GAB2: variants seen among roughly 807,000 people sequenced by gnomAD.
GAB2 encodes the protein GRB2 associated binding protein 2.
A neutral mutation model predicts 65.5 loss-of-function variants in GAB2; 26 were observed. That is an observed-to-expected ratio of 0.40 (90% CI 0.29 to 0.55). GAB2 has a LOEUF of 0.55. Ranked by LOEUF, GAB2 falls within the 20% of genes least tolerant of loss-of-function variation. The pLI, the probability that GAB2 is intolerant of heterozygous loss-of-function variation, is 0.53. For missense variants in GAB2, 884 were observed against 875.8 expected (o/e 1.01, Z -0.12); for synonymous variants, 321 against 329.6 (o/e 0.97, Z 0.28).
At chr11:78,408,425 A>G (rs1204234954) in intron 1 of GAB2, among the ~76,000 whole-genome samples, 1 of 152,266 alleles carries the variant, frequency 6.6e-6, no homozygotes, top group Non-Finnish European at 1.5e-5. Context: ...ATATAGATAA[A>G]TCAAAATGGA....
chr11:78,386,814 T>A, intron 1 of GAB2, among the ~76,000 whole-genome samples: 1 of 152,176 alleles, frequency 6.6e-6, no homozygotes, highest in South Asian at 2.1e-4. Context: ...TTTACTCATG[T>A]TATTGGTTTT....
chr11:78,246,827 C>T (rs953400625), intron 3 of GAB2, among the ~76,000 whole-genome samples: 3 of 152,128 alleles, frequency 2.0e-5, no homozygotes, highest in African/African-American at 7.2e-5. Context: ...AGGAAATCAA[C>T]CTGGTTAGGC....
At chr11:78,312,053 T>G (rs1412876218) in intron 1 of GAB2, among the ~76,000 whole-genome samples, 1 of 152,138 alleles carries the variant, frequency 6.6e-6, no homozygotes, top group Non-Finnish European at 1.5e-5. Context: ...TGTCTAGGCT[T>G]GAAAACAGCC....
intron 1 of GAB2, among the ~76,000 whole-genome samples, chr11:78,300,695 G>GT (rs769243672): frequency 0.024 from 2,660 of 113,176 alleles, 47 homozygotes; most frequent in Non-Finnish European, 0.032. Context: ...GTTTTTTTTT[G>GT]TTTTTTTTTT....
In GAB2 at chr11:78,366,159, T is replaced by C. The variant is rs115311103; in HGVS notation, c.75+51487A>G. On this transcript the variant is annotated intron_variant, in intron 1 of 9. Coordinates refer to ENST00000361507, the MANE Select transcript of GAB2 (RefSeq NM_080491.3). ...TTTACTGAGTTCCTAGAATAGTGTT[T>C]ATACAGAGTTGGCACACAAACATTA... Among the ~76,000 whole-genome samples the C allele has an allele frequency of 8.7e-3, 1,329 of 152,356 alleles. 20 individuals carry two copies. Among genetic ancestry groups the C allele is most frequent in the African/African-American group, 0.03 (1,263 of 41,582 alleles).
rs749282969 is a variant in GAB2, at chr11:78,323,790, C to CTTTTTTTTTTTTTTTT, written c.76-42905_76-42890dup. 9.1e-5 allele frequency among the ~76,000 whole-genome samples: 7 copies of CTTTTTTTTTTTTTTTT among 77,264 alleles called. 1 individual carries two copies. The highest frequency in any genetic ancestry group is 2.5e-4 in the African/African-American group (5 of 20,056). The allele number at this position is 77,264 out of a possible 152,430, so 50.7% of individuals were successfully genotyped here. Reference sequence around the variant, plus strand: ...CTACACGTGTACCCCCTGAATCTTTCTTTTTTTTTTTTTTTTTTTTTTTTT... The same window carrying CTTTTTTTTTTTTTTTT: ...CTACACGTGTACCCCCTGAATCTTTCTTTTTTTTTTTTTTTTTTTTTTTTTTTTTTTTTTTTTTTTT... On this transcript the variant is annotated intron_variant, in intron 1 of 9. Coordinates refer to ENST00000361507, the MANE Select transcript of GAB2 (RefSeq NM_080491.3).
intron 2 of GAB2, among the ~76,000 whole-genome samples, chr11:78,267,814 C>T (rs1402447747): frequency 5.2e-5 from 7 of 135,230 alleles, no homozygotes; most frequent in Non-Finnish European, 1.1e-4. Context: ...GCCAACATCG[C>T]ACCACTGCAC....
chr11:78,322,380 C>CTAGACA, intron 1 of GAB2, among the ~76,000 whole-genome samples: 1 of 144,208 alleles, frequency 6.9e-6, no homozygotes. Flanking sequence ...AAATACCCTT[C>CTAGACA]TAGACATCAG....
intron 1 of GAB2, among the ~76,000 whole-genome samples, chr11:78,346,721 AATTTTTTTTT>A (rs1299644648): frequency 5.8e-5 from 2 of 34,600 alleles, no homozygotes; most frequent in Non-Finnish European, 5.3e-5. Context: ...ATATATATAT[AATTTTTTTTT>A]TTTTTAGGAA....
At chr11:78,350,060 T>G (rs1018229383) in intron 1 of GAB2, among the ~76,000 whole-genome samples, 2 of 152,208 alleles carry the variant, frequency 1.3e-5, no homozygotes, top group African/African-American at 4.8e-5. Flanking sequence ...AACATTCTGT[T>G]GTCTATATTT....
At chr11:78,298,699 T>A (rs1017019404) in intron 1 of GAB2, among the ~76,000 whole-genome samples, 1 of 152,218 alleles carries the variant, frequency 6.6e-6, no homozygotes, top group African/African-American at 2.4e-5. Flanking sequence ...TGCTTTCATG[T>A]CCTTGAATGG....
chr11:78,231,340 T>TGTG (rs1864849122), intron 3 of GAB2, among the ~76,000 whole-genome samples: 1 of 148,048 alleles, frequency 6.8e-6, no homozygotes, highest in African/African-American at 2.6e-5. Flanking sequence ...GTGTGTGGTG[T>TGTG]GTGTGTGTGT....
At chr11:78,395,171 A>C (rs1856880197) in intron 1 of GAB2, among the ~76,000 whole-genome samples, 1 of 152,166 alleles carries the variant, frequency 6.6e-6, no homozygotes, top group African/African-American at 2.4e-5. Context: ...AAAATCAACC[A>C]GGCCAGGCGC....
At position 78,351,882 on chromosome 11, in the gene GAB2, A is replaced by G. The variant is rs112314897; in HGVS notation, c.75+65764T>C. Among the ~76,000 whole-genome samples, 143 of 152,246 alleles carry G rather than the reference A, an allele frequency of 9.4e-4. 1 individual carries two copies. Among genetic ancestry groups the G allele is most frequent in the Middle Eastern group, 6.8e-3 (2 of 294 alleles). On this transcript the variant is annotated intron_variant, in intron 1 of 9. Coordinates refer to ENST00000361507, the MANE Select transcript of GAB2 (RefSeq NM_080491.3). ...AAACTTGTACTTTGACAGGGACTTGACCAAAAGGAACCAAGCAAGAGCCAA... is the reference window on the plus strand; with the variant it reads ...AAACTTGTACTTTGACAGGGACTTGGCCAAAAGGAACCAAGCAAGAGCCAA...
chr11:78,249,418 T>C (rs1865385454), intron 3 of GAB2, among the ~76,000 whole-genome samples: 1 of 152,246 alleles, frequency 6.6e-6, no homozygotes. Flanking sequence ...AACTGGGAAT[T>C]AGCTCTGGCA....
chr11:78,288,041 A>AG (rs1402016337), intron 1 of GAB2, among the ~76,000 whole-genome samples: 1 of 138,008 alleles, frequency 7.2e-6, no homozygotes, highest in East Asian at 2.4e-4. Flanking sequence ...TTGGAAAGGA[A>AG]GAAAAAAAAA....
chr11:78,262,859 A>G (rs1865770700), intron 2 of GAB2, among the ~76,000 whole-genome samples: 1 of 152,222 alleles, frequency 6.6e-6, no homozygotes, highest in Non-Finnish European at 1.5e-5. Context: ...ACACCAGAAC[A>G]GGGGTCAGCA....
At chr11:78,411,331 C>CT (rs1432051684) in intron 1 of GAB2, among the ~76,000 whole-genome samples, 7 of 151,916 alleles carry the variant, frequency 4.6e-5, no homozygotes, top group African/African-American at 7.3e-5. Flanking sequence ...GCAAGACTTT[C>CT]TTTTTTTTGC....
rs184369575 is a variant in GAB2, at chr11:78,399,157, C to T, written c.75+18489G>A. Among the ~76,000 whole-genome samples, 648 of 152,246 alleles carry T rather than the reference C, an allele frequency of 4.3e-3. 10 individuals carry two copies. The highest frequency in any genetic ancestry group is 4.4e-3 in the East Asian group (23 of 5,184). ...GGTAATTAGTTGTAAAGAATATCAG[C>T]GACTTCTGAAATTACCTTGATGATA... On this transcript the variant is annotated intron_variant, in intron 1 of 9. Coordinates refer to ENST00000361507, the MANE Select transcript of GAB2 (RefSeq NM_080491.3).
Sources: allele counts gnomAD v4.1 joint callset (sites outside exome capture counted in the v4.1 genomes callset), GRCh38; gene constraint gnomAD v4.1.1; transcripts MANE v1.5; gene names NCBI Gene and HGNC (gene_info 2026-07-23, HGNC 2026-07-21).